The following CALD1 variants were observed in gnomAD, a reference collection of about 807,000 sequenced individuals.
The protein encoded by CALD1 is caldesmon 1, also known as caldesmon.
Under a neutral mutation model 99.9 loss-of-function variants are expected in CALD1, and 33 were observed. That is an observed-to-expected ratio of 0.33 (90% CI 0.25 to 0.44). CALD1 has a LOEUF of 0.44. Ranked by LOEUF, CALD1 falls within the 20% of genes least tolerant of loss-of-function variation. The probability of loss-of-function intolerance (pLI) is 1.00; values close to 1 mark genes in which losing one functional copy is unlikely to be tolerated. For synonymous variants in CALD1, 310 were observed against 325.0 expected, an observed-to-expected ratio of 0.95 and a Z score of 0.50; for missense variants, 861 against 962.1, an observed-to-expected ratio of 0.89 and a Z score of 1.39.
intron 3 of CALD1, 115 bp downstream of exon 3, chr7:134,867,919 C>A: frequency 1.0e-5 from 5 of 479,564 alleles, no homozygotes; most frequent in South Asian, 1.1e-4. Context: ...CCAAACTGTT[C>A]GCAAAAGTAG....
intron 3 of CALD1, among the ~76,000 whole-genome samples, chr7:134,883,284 C>T (rs1205402164): frequency 2.0e-5 from 3 of 152,156 alleles, no homozygotes; most frequent in African/African-American, 7.2e-5. Flanking sequence ...CTCTACTTTG[C>T]AACATATTTT....
intron 3 of CALD1, among the ~76,000 whole-genome samples, chr7:134,872,924 C>T (rs113945097): frequency 6.6e-6 from 1 of 152,126 alleles, no homozygotes; most frequent in African/African-American, 2.4e-5. Flanking sequence ...GGCTCACTCC[C>T]GTAATCCCAG....
chr7:134,759,309 A>C (rs970319283), intron 1 of CALD1, among the ~76,000 whole-genome samples: 1 of 152,230 alleles, frequency 6.6e-6, no homozygotes, highest in African/African-American at 2.4e-5. Context: ...GTAGAGACTG[A>C]AAAGTCACAA....
chr7:134,760,143 G>A (rs1167843177), intron 1 of CALD1, among the ~76,000 whole-genome samples: 1 of 152,078 alleles, frequency 6.6e-6, no homozygotes, highest in Admixed American at 6.5e-5. Context: ...AGAGAGCACA[G>A]GAGCAGTAGG....
the CALD1 span, among the ~76,000 whole-genome samples, chr7:134,736,360 A>C: frequency 6.6e-6 from 1 of 152,178 alleles, no homozygotes; most frequent in Admixed American, 6.5e-5. Context: ...GTATAGAGCT[A>C]CAGAAAAATG....
At chr7:134,840,326 G>A (rs1391173346) in intron 1 of CALD1, among the ~76,000 whole-genome samples, 1 of 152,158 alleles carries the variant, frequency 6.6e-6, no homozygotes, top group African/African-American at 2.4e-5. Flanking sequence ...CCTTCTGGTT[G>A]TTTTGATAGA....
the CALD1 span, among the ~76,000 whole-genome samples, chr7:134,736,636 A>G: frequency 6.6e-6 from 1 of 152,232 alleles, no homozygotes; most frequent in Non-Finnish European, 1.5e-5. Flanking sequence ...GTAACTGTCA[A>G]GACGACCTTA....
intron 3 of CALD1, among the ~76,000 whole-genome samples, chr7:134,869,987 C>G (rs1376304276): frequency 6.6e-6 from 1 of 152,180 alleles, no homozygotes; most frequent in African/African-American, 2.4e-5. Context: ...TGGCCGGGCT[C>G]AGTGAACCAC....
chr7:134,720,146 T>G, the CALD1 span, among the ~76,000 whole-genome samples: 10 of 151,724 alleles, frequency 6.6e-5, no homozygotes, highest in South Asian at 4.2e-4. Flanking sequence ...CAGCAAACAT[T>G]TGTTAGTGAC....
chr7:134,963,012 C>T (rs1808396320), intron 13 of CALD1: 2 of 435,530 alleles, frequency 4.6e-6, no homozygotes, highest in South Asian at 3.3e-5. Flanking sequence ...TAAAAGGACT[C>T]TTTAAACTCT....
intron 1 of CALD1, among the ~76,000 whole-genome samples, chr7:134,784,091 A>G (rs753532940): frequency 2.0e-5 from 3 of 152,204 alleles, no homozygotes; most frequent in Non-Finnish European, 4.4e-5. Flanking sequence ...TATATCGGGC[A>G]CTCATTTTAG....
intron 8 of CALD1, among the ~76,000 whole-genome samples, chr7:134,949,667 C>T (rs1331602136): frequency 6.6e-6 from 1 of 152,184 alleles, no homozygotes; most frequent in African/African-American, 2.4e-5. Context: ...GTCTTCACAA[C>T]TCTCCTAGGA....
chr7:134,758,255 T>C (rs915741023), intron 1 of CALD1, among the ~76,000 whole-genome samples: 2 of 152,234 alleles, frequency 1.3e-5, no homozygotes, highest in Admixed American at 6.5e-5. Flanking sequence ...GAAAACACTT[T>C]AGGGACTTTC....
intron 3 of CALD1, among the ~76,000 whole-genome samples, chr7:134,909,264 C>G (rs1380945162): frequency 6.6e-6 from 1 of 152,124 alleles, no homozygotes; most frequent in Non-Finnish European, 1.5e-5. Flanking sequence ...AAGTGCAGTG[C>G]CTGCATGGAG....
intron 6 of CALD1, among the ~76,000 whole-genome samples, 195 bp from the exon 7 acceptor site, chr7:134,940,897 G>C (rs1406317990): frequency 6.6e-6 from 1 of 152,170 alleles, no homozygotes; most frequent in African/African-American, 2.4e-5. Flanking sequence ...TTGTGGTAAA[G>C]GTGTTTGTTC....
intron 9 of CALD1, among the ~76,000 whole-genome samples, chr7:134,956,083 T>G (rs1807748423): frequency 6.7e-6 from 1 of 149,768 alleles, no homozygotes; most frequent in Non-Finnish European, 1.5e-5. Context: ...GTTTTATATA[T>G]CCCATAAAGT....
chr7:134,896,811 G>T (rs1054909494), intron 3 of CALD1, among the ~76,000 whole-genome samples: 1 of 152,198 alleles, frequency 6.6e-6, no homozygotes, highest in Non-Finnish European at 1.5e-5. Flanking sequence ...ATGAGAAATG[G>T]GGAAGAGGTC....
intron 1 of CALD1, among the ~76,000 whole-genome samples, chr7:134,762,073 C>G (rs62462517): frequency 0.13 from 19,238 of 152,112 alleles, 1,512 homozygotes; most frequent in Non-Finnish European, 0.17. Context: ...GCCTTGGCCT[C>G]CAAATGCAGG....
At chr7:134,835,564 T>C (rs1172909034) in intron 1 of CALD1, among the ~76,000 whole-genome samples, 1 of 152,160 alleles carries the variant, frequency 6.6e-6, no homozygotes, top group Non-Finnish European at 1.5e-5. Flanking sequence ...ATATTATAAA[T>C]AGGAACATGA....
Sources: gnomAD v4.1 joint callset for allele counts (sites outside exome capture counted in the v4.1 genomes callset) on GRCh38, gnomAD v4.1.1 for gene constraint, MANE v1.5 for transcripts, NCBI Gene and HGNC (gene_info 2026-07-23, HGNC 2026-07-21) for gene names.